HPSE2: variants seen among roughly 807,000 people sequenced by gnomAD.
HPSE2 encodes inactive heparanase-2.
Under a neutral mutation model 60.5 loss-of-function variants are expected in HPSE2, and 38 were observed. That is an observed-to-expected ratio of 0.63 (90% CI 0.48 to 0.82). The LOEUF is 0.82. HPSE2 is among the 40% of genes least tolerant of loss of function. The probability of loss-of-function intolerance (pLI) is 0.00; values close to 1 mark genes in which losing one functional copy is unlikely to be tolerated. For synonymous variants in HPSE2, 295 were observed against 293.2 expected (o/e 1.01, Z -0.06); for missense variants, 713 against 740.4 (o/e 0.96, Z 0.43).
At chr10:99,013,481 T>C (rs1957065181) in intron 3 of HPSE2, 10 of 401,926 alleles carry the variant, frequency 2.5e-5, no homozygotes, top group South Asian at 2.1e-4. Context: ...ATGATTATTA[T>C]TATTATTTGA....
intron 3 of HPSE2, among the ~76,000 whole-genome samples, chr10:98,936,180 C>T (rs1954784608): frequency 6.9e-6 from 1 of 144,394 alleles, no homozygotes; most frequent in African/African-American, 2.8e-5. Context: ...CCCAGGCAGA[C>T]TCCAGACTTC....
chr10:99,280,730 T>C, the HPSE2 span, among the ~76,000 whole-genome samples: 3 of 152,314 alleles, frequency 2.0e-5, no homozygotes, highest in African/African-American at 7.2e-5. Context: ...CTGTCTCACA[T>C]TGCAAGCTAG....
At chr10:98,972,141 T>G (rs1474784798) in intron 3 of HPSE2, among the ~76,000 whole-genome samples, 6 of 152,146 alleles carry the variant, frequency 3.9e-5, no homozygotes, top group African/African-American at 7.2e-5. Flanking sequence ...TTAGCATCTT[T>G]AAAATTATTA....
At chr10:98,708,372 C>T (rs1330938817) in intron 5 of HPSE2, among the ~76,000 whole-genome samples, 1 of 151,592 alleles carries the variant, frequency 6.6e-6, no homozygotes, top group Non-Finnish European at 1.5e-5. Flanking sequence ...AGAAGAATGG[C>T]CTGAACCCAG....
Position 99,232,484 on chromosome 10 carries a change from C to T in HPSE2, c.312G>A (p.Leu104=). ...GAAAGGCGGGCGAAAGTCCCCGGGC[C>T]AGGGTCACCAAGCGCTTGGAGCTGC... The part of the protein sequence containing the change: ...DFLSSKRLVT[L]ARGLSPAFLR... The change falls in exon 2 of 12, where the codon CTG becomes CTA. Residue 104 remains leucine, a synonymous_variant. Transcript: ENST00000370552. 4 of 1,555,648 alleles carry T rather than the reference C, an allele frequency of 2.6e-6. No homozygotes were observed. Among genetic ancestry groups the T allele is most frequent in the Non-Finnish European group, 3.5e-6 (4 of 1,149,892 alleles).
At chr10:99,216,441 C>T (rs58090086) in intron 2 of HPSE2, among the ~76,000 whole-genome samples, 23,160 of 151,672 alleles carry the variant, frequency 0.15, 2,829 homozygotes, top group African/African-American at 0.34. Context: ...GTGATCCGCC[C>T]GCCTCGGCCT....
chr10:98,749,947 T>TATATATATATATATATATACACAC, intron 3 of HPSE2, among the ~76,000 whole-genome samples: 100 of 98,458 alleles, frequency 1.0e-3, no homozygotes, highest in South Asian at 9.4e-3. Context: ...TATATATATA[T>TATATATATATATATATATACACAC]ACACACACAC....
At chr10:99,120,276 A>G (rs1036964371) in intron 3 of HPSE2, among the ~76,000 whole-genome samples, 5 of 152,216 alleles carry the variant, frequency 3.3e-5, no homozygotes, top group Admixed American at 6.5e-5. Flanking sequence ...AAGTGGGCAA[A>G]GGACATGAAA....
intron 9 of HPSE2, among the ~76,000 whole-genome samples, chr10:98,582,856 T>A: frequency 6.6e-6 from 1 of 152,156 alleles, no homozygotes; most frequent in East Asian, 1.9e-4. Flanking sequence ...AACATTTTCA[T>A]CACCCACAAA....
chr10:99,057,748 A>G (rs1220516993), intron 3 of HPSE2, among the ~76,000 whole-genome samples: 3 of 152,210 alleles, frequency 2.0e-5, no homozygotes, highest in Non-Finnish European at 4.4e-5. Context: ...TCAAGCTGAC[A>G]TGGTGATGAA....
At chr10:98,812,524 T>C (rs1951192371) in intron 3 of HPSE2, among the ~76,000 whole-genome samples, 1 of 152,182 alleles carries the variant, frequency 6.6e-6, no homozygotes, top group Non-Finnish European at 1.5e-5. Flanking sequence ...TATTCTATGC[T>C]CTGTAAAGCA....
At chr10:99,047,980 T>A (rs987502238) in intron 3 of HPSE2, 8 of 712,026 alleles carry the variant, frequency 1.1e-5, no homozygotes, top group Admixed American at 1.9e-5. Flanking sequence ...TTCTTTGCCT[T>A]CATCAAGTCT....
At chr10:99,239,462 C>T (rs1233830657), upstream of HPSE2, among the ~76,000 whole-genome samples, 4 of 125,790 alleles carry the variant, frequency 3.2e-5, no homozygotes, top group Non-Finnish European at 6.3e-5. Flanking sequence ...CAGAGTCTCG[C>T]TCTGTCGCCC....
intron 9 of HPSE2, among the ~76,000 whole-genome samples, chr10:98,533,425 C>A (rs665142): frequency 6.6e-6 from 1 of 152,148 alleles, no homozygotes; most frequent in African/African-American, 2.4e-5. Flanking sequence ...TGTTTCGTAA[C>A]GTTAATCACA....
chr10:98,857,040 G>A (rs1305732097), intron 3 of HPSE2, among the ~76,000 whole-genome samples: 1 of 152,134 alleles, frequency 6.6e-6, no homozygotes, highest in South Asian at 2.1e-4. Context: ...TTCTCTCCAG[G>A]TCCATGTCCA....
intron 3 of HPSE2, among the ~76,000 whole-genome samples, chr10:98,998,598 A>G (rs545894499): frequency 1.3e-5 from 2 of 152,298 alleles, no homozygotes; most frequent in Admixed American, 6.5e-5. Flanking sequence ...GCTAGACCTC[A>G]AATCATTTTT....
At chr10:98,952,455 C>A (rs1955391723) in intron 3 of HPSE2, among the ~76,000 whole-genome samples, 2 of 151,706 alleles carry the variant, frequency 1.3e-5, no homozygotes, top group Non-Finnish European at 2.9e-5. Context: ...ACGGTAAATC[C>A]TTTCTTCCCC....
the HPSE2 span, among the ~76,000 whole-genome samples, chr10:99,268,645 C>CA: frequency 0.065 from 3,721 of 57,048 alleles, 142 homozygotes; most frequent in African/African-American, 0.18. Context: ...GACTCTGTCT[C>CA]AAAAAAAAAA....
intron 2 of HPSE2, among the ~76,000 whole-genome samples, chr10:99,172,706 T>G (rs1286485454): frequency 6.6e-6 from 1 of 152,040 alleles, no homozygotes; most frequent in Non-Finnish European, 1.5e-5. Flanking sequence ...GGTGAAAACC[T>G]GTCTCTACTA....
Sources: gnomAD v4.1 joint callset for allele counts (sites outside exome capture counted in the v4.1 genomes callset) on GRCh38, gnomAD v4.1.1 for gene constraint, MANE v1.5 for transcripts, NCBI Gene and HGNC (gene_info 2026-07-23, HGNC 2026-07-21) for gene names.